Variants in KCNJ14 observed in about 807,000 individuals in gnomAD.
KCNJ14 encodes potassium inwardly rectifying channel subfamily J member 14, also known as ATP-sensitive inward rectifier potassium channel 14.
Under a neutral mutation model 24.5 loss-of-function variants are expected in KCNJ14, and 18 were observed. The observed-to-expected ratio is 0.74, with a 90% confidence interval of 0.51 to 1.09. The LOEUF (loss-of-function observed/expected upper bound fraction) is 1.09, where lower values mean the gene tolerates loss of function less well. Among genes scored for constraint, KCNJ14 ranks in the 50% least tolerant of loss-of-function variants. KCNJ14 has a pLI of 0.00. For synonymous variants in KCNJ14, 288 were observed against 270.8 expected (o/e 1.06, Z -0.63); for missense variants, 633 against 623.0 (o/e 1.02, Z -0.17).
At position 48,464,434 on chromosome 19, in the gene KCNJ14, G is replaced by T; in HGVS notation, c.968G>T (p.Gly323Val). 1 of 1,613,804 alleles carries T rather than the reference G, an allele frequency of 6.2e-7. No homozygotes were observed. The highest frequency in any genetic ancestry group is 8.5e-7 in the Non-Finnish European group (1 of 1,179,912). Reference sequence around the variant, plus strand: ...CAGTGTCGCTCGTCCTACCTCCCTGGTGAACTGCTCTGGGGCCATCGTTTT... The same window carrying T: ...CAGTGTCGCTCGTCCTACCTCCCTGTTGAACTGCTCTGGGGCCATCGTTTT... ...TTQCRSSYLP[G>V]ELLWGHRFEP... The change falls in exon 3 of 3, where the codon GGT becomes GTT. Residue 323 changes from glycine (G) to valine (V), a missense_variant. By Grantham distance (109) the Gly-to-Val change is moderately radical. Transcript: ENST00000342291.
chr19:48,462,569 G>A lies in KCNJ14; in HGVS notation c.714+131G>A, dbSNP rs1971614118. ...AACTCCCAGCAGCCTCTTGGGCCTG[G>A]GGCCTGCGAATGGGTCACTGGGCAG... On this transcript the variant is annotated intron_variant, in intron 2 of 2. Transcript: ENST00000342291. This position sits in a 1 kb window ranked among gnomAD's most constrained non-coding sequence, Gnocchi z 4.9. 3 of 679,386 alleles carry A rather than the reference G, an allele frequency of 4.4e-6. No homozygotes were observed. The highest frequency in any genetic ancestry group is 2.1e-5 in the South Asian group (1 of 47,898). The allele number at this position is 679,386 out of a possible 1,614,324, so 42.1% of individuals were successfully genotyped here.
intron 2 of KCNJ14, among the ~76,000 whole-genome samples, chr19:48,463,277 C>T (rs1404644578): frequency 1.3e-5 from 2 of 151,938 alleles, no homozygotes; most frequent in African/African-American, 4.8e-5. Flanking sequence ...TGGAGAGGAT[C>T]GGGGGTGGTG....
intron 1 of KCNJ14, chr19:48,457,028 C>A (rs2147490530): frequency 6.7e-6 from 1 of 149,236 alleles, no homozygotes; most frequent in Non-Finnish European, 1.5e-5. Flanking sequence ...TAGGGTCTTG[C>A]TCTGTTGCCC....
At position 48,464,411 on chromosome 19, in the gene KCNJ14, G is replaced by A. The variant is rs1160957164; in HGVS notation, c.945G>A (p.Gln315=). The change falls in exon 3 of 3, where the codon CAG becomes CAA. Residue 315 remains glutamine, a synonymous_variant. Coordinates refer to ENST00000342291, the MANE Select transcript of KCNJ14 (RefSeq NM_013348.4). ...TTGAGGCCACAGCCATGACCACACA[G>A]TGTCGCTCGTCCTACCTCCCTGGTG... ...GMVEATAMTT[Q]CRSSYLPGEL... is the part of the protein sequence containing the mutation. 1 of 1,613,586 alleles carries A rather than the reference G, an allele frequency of 6.2e-7. No homozygotes were observed. The highest frequency in any genetic ancestry group is 8.5e-7 in the Non-Finnish European group (1 of 1,179,834).
chr19:48,464,395 C>T lies in KCNJ14; in HGVS notation c.929C>T (p.Thr310Ile), dbSNP rs899566507. Reference protein sequence around the residue: ...VVILEGMVEATAMTTQCRSSY... With the variant: ...VVILEGMVEAIAMTTQCRSSY... Reference sequence around the variant, plus strand: ...ATTCTCGAGGGGATGGTTGAGGCCACAGCCATGACCACACAGTGTCGCTCG... The same window carrying T: ...ATTCTCGAGGGGATGGTTGAGGCCATAGCCATGACCACACAGTGTCGCTCG... Residue 310 changes from threonine (T) to isoleucine (I), a missense_variant, in exon 3 of 3, where the codon ACA becomes ATA. Physicochemically the swap from Thr to Ile is moderately conservative, Grantham distance 89. Transcript: ENST00000342291. The T allele has an allele frequency of 6.2e-7, 1 of 1,613,346 alleles. No individual in the cohort carries two copies. Among genetic ancestry groups the T allele is most frequent in the African/African-American group, 1.3e-5 (1 of 74,890 alleles).
chr19:48,461,473 A>T, intron 1 of KCNJ14, 197 bp from the exon 2 acceptor site: 1 of 354,228 alleles, frequency 2.8e-6, no homozygotes, highest in Non-Finnish European at 5.0e-6. Context: ...GATTGCAGTA[A>T]GCCAGGATCA....
chr19:48,462,048 C>G lies in KCNJ14; in HGVS notation c.324C>G (p.Phe108Leu), dbSNP rs760229046. Residue 108 changes from phenylalanine (F) to leucine (L), a missense_variant, in exon 2 of 3, where the codon TTC becomes TTG. Phe to Leu is a conservative substitution (Grantham distance 22, BLOSUM62 0). Transcript: ENST00000342291. The surrounding 1 kb of genome is among the most constrained non-coding windows in gnomAD (Gnocchi z 4.9). ...CCTGGCTGCTCTTCGGCCTGGCCTTCTGGCTCATTGCCTCGCTGCACGGCG... is the reference window on the plus strand; with the variant it reads ...CCTGGCTGCTCTTCGGCCTGGCCTTGTGGCTCATTGCCTCGCTGCACGGCG... ...LASWLLFGLA[F>L]WLIASLHGDL... 2.0e-4 allele frequency: 319 copies of G among 1,611,096 alleles called. 2 individuals are homozygous for G. The Admixed American group carries it at 5.3e-3, about 27-fold the overall frequency.
At chr19:48,464,063 C>T (rs1971628833) in intron 2 of KCNJ14, 118 bp from the exon 3 acceptor site, 3 of 750,430 alleles carry the variant, frequency 4.0e-6, no homozygotes, top group Non-Finnish European at 7.0e-6. Flanking sequence ...GTGTTCTCAC[C>T]CTTTTCTTCA....
rs928639669 is a variant in KCNJ14 at position 48,461,754 on chromosome 19, C to A, written c.30C>A (p.Leu10=). MGLARALRR[L]SGALDSGDSR... is the part of the protein sequence containing the mutation. ...GCCTGGCCAGGGCCCTACGCCGCCT[C>A]AGCGGCGCCCTGGATTCGGGAGACA... Residue 10 remains leucine (L), a synonymous_variant, in exon 2 of 3, where the codon CTC becomes CTA. Transcript: ENST00000342291. The A allele has an allele frequency of 1.4e-6, 2 of 1,443,266 alleles. No homozygotes were observed. The highest frequency in any genetic ancestry group is 9.1e-7 in the Non-Finnish European group (1 of 1,101,484). 89.4% of individuals were successfully genotyped at this position (1,443,266 alleles called of 1,614,324 possible).
At position 48,464,764 on chromosome 19, in the gene KCNJ14, C is replaced by A. The variant is rs1240479318; in HGVS notation, c.1298C>A (p.Thr433Asn). Residue 433 changes from threonine (T) to asparagine (N), a missense_variant, in exon 3 of 3, where the codon ACC (threonine) becomes AAC (asparagine). By Grantham distance (65) the Thr-to-Asn change is moderately conservative. Coordinates refer to ENST00000342291, the MANE Select transcript of KCNJ14 (RefSeq NM_013348.4). ...GTTCTCACACCAACCCTGGCGCTGA[C>A]CCTGCCTCCATGATGCAAACTGATG... The part of the protein sequence containing the change: ...PRVLTPTLAL[T>N]LPP 1.4e-5 allele frequency: 23 copies of A among 1,602,882 alleles called. No homozygotes were observed. The highest frequency in any genetic ancestry group is 2.0e-5 in the Non-Finnish European group (23 of 1,178,868).
chr19:48,461,147 C>G (rs569271163), intron 1 of KCNJ14: 3 of 151,966 alleles, frequency 2.0e-5, no homozygotes, highest in African/African-American at 4.8e-5. Context: ...GGTGAAACCC[C>G]ATCTCTACTT....
rs1407114108 is a variant in KCNJ14, at chr19:48,462,819, TG to T, written c.714+383del. ...CCTCAGATGCAGCTTTGCGAGGGGG[TG>T]GTGGAGGGCCTGCGTGACCGTTCTA... is the stretch of plus-strand genomic sequence containing the variant. On this transcript the variant is annotated intron_variant, in intron 2 of 2. Transcript: ENST00000342291. The surrounding 1 kb of genome is among the most constrained non-coding windows in gnomAD (Gnocchi z 4.9). 1.1e-4 allele frequency among the ~76,000 whole-genome samples: 17 copies of T among 151,502 alleles called. No individual in the cohort carries two copies. Among genetic ancestry groups the T allele is most frequent in the Admixed American group, 1.1e-3 (16 of 15,218 alleles).
chr19:48,465,774 T>G lies in KCNJ14; in HGVS notation c.*997T>G, dbSNP rs1445067246. On this transcript the variant is annotated 3_prime_UTR_variant, in exon 3 of 3. Transcript: ENST00000342291. ...CAATGGAGTTGAGAATCTCAATGAT[T>G]CTAGATGACTTCTTGTGGTTCTGTA... 6.6e-6 allele frequency: 1 copy of G among 152,638 alleles called. No individual in the cohort carries two copies. Among genetic ancestry groups the G allele is most frequent in the Non-Finnish European group, 1.5e-5 (1 of 68,040 alleles). 9.5% of individuals were successfully genotyped at this position (152,638 alleles called of 1,614,324 possible).
intron 1 of KCNJ14, among the ~76,000 whole-genome samples, chr19:48,460,539 G>T (rs575750732): frequency 6.6e-6 from 1 of 152,134 alleles, no homozygotes; most frequent in East Asian, 1.9e-4. Flanking sequence ...CACCACACCC[G>T]GCAGTCTTGG....
chr19:48,459,672 G>A (rs10410041), intron 1 of KCNJ14, among the ~76,000 whole-genome samples: 13,838 of 152,128 alleles, frequency 0.091, 1,200 homozygotes, highest in African/African-American at 0.23. Flanking sequence ...CTAGGATACA[G>A]GTGTGTACCA....
rs1971643146 is a variant in KCNJ14, at chr19:48,465,118, A to G, written c.*341A>G. On this transcript the variant is annotated 3_prime_UTR_variant, in exon 3 of 3. Coordinates refer to ENST00000342291, the MANE Select transcript of KCNJ14 (RefSeq NM_013348.4). The stretch of plus-strand genomic sequence containing the variant: ...GACCAGGGTGAGAAGCCAATGGTAT[A>G]GACTGCCTCTGGGGAAGCAAGTTGG... 3.7e-6 allele frequency: 1 copy of G among 268,312 alleles called. No individual in the cohort carries two copies. Among genetic ancestry groups the G allele is most frequent in the Admixed American group, 4.8e-5 (1 of 20,962 alleles). 16.6% of individuals were successfully genotyped at this position (268,312 alleles called of 1,614,324 possible). A position where few individuals can be genotyped will look rare whatever the true frequency, so the allele number is the denominator to read the frequency against.
At position 48,464,866 on chromosome 19, in the gene KCNJ14, G is replaced by A. The variant is rs2147496240; in HGVS notation, c.*89G>A. 2.0e-6 allele frequency: 2 copies of A among 988,656 alleles called. No individual in the cohort carries two copies. Among genetic ancestry groups the A allele is most frequent in the Non-Finnish European group, 3.1e-6 (2 of 651,726 alleles). The allele number at this position is 988,656 out of a possible 1,614,324, so 61.2% of individuals were successfully genotyped here. On this transcript the variant is annotated 3_prime_UTR_variant, in exon 3 of 3. Transcript: ENST00000342291. ...GGGCTCTCTCCTGGGATGGGGGCAG[G>A]TGTTCCTGAATACCGACAGGCCTGC...
In KCNJ14 at chr19:48,462,513, GGC is replaced by G. The variant is rs1601012049; in HGVS notation, c.714+77_714+78del. On this transcript the variant is annotated intron_variant, in intron 2 of 2. Transcript: ENST00000342291. This position sits in a 1 kb window ranked among gnomAD's most constrained non-coding sequence, Gnocchi z 4.9. ...GGGAGATGTAGGCCCGAGGGCGAGG[GGC>G]GTGCGGTCCTGGAGGGGGCGTGGAC... 1 of 1,179,630 alleles carries G rather than the reference GGC, an allele frequency of 8.5e-7. No homozygotes were observed. The highest frequency in any genetic ancestry group is 2.9e-5 in the Admixed American group (1 of 34,682). The allele number at this position is 1,179,630 out of a possible 1,614,324, so 73.1% of individuals were successfully genotyped here. A position where few individuals can be genotyped will look rare whatever the true frequency, so the allele number is the denominator to read the frequency against.
intron 1 of KCNJ14, among the ~76,000 whole-genome samples, chr19:48,460,063 A>C (rs919403027): frequency 1.3e-5 from 2 of 151,598 alleles, no homozygotes; most frequent in Non-Finnish European, 2.9e-5. Flanking sequence ...AATTCAATTG[A>C]TGGATTTTTT....
Sources: allele counts gnomAD v4.1 joint callset (sites outside exome capture counted in the v4.1 genomes callset), GRCh38; gene constraint gnomAD v4.1.1; non-coding constraint Gnocchi (gnomAD v3.1); transcripts MANE v1.5; gene names NCBI Gene and HGNC (gene_info 2026-07-23, HGNC 2026-07-21).